Variants in CDH4 observed in about 807,000 individuals in gnomAD.
The protein encoded by CDH4 is cadherin-4.
Under a neutral mutation model 86.0 loss-of-function variants are expected in CDH4, and 33 were observed. The ratio of observed to expected loss-of-function variants is 0.38; its 90% CI spans 0.29 to 0.51. The LOEUF (loss-of-function observed/expected upper bound fraction) is 0.51, where lower values mean the gene tolerates loss of function less well. Ranked by LOEUF, CDH4 falls within the 20% of genes least tolerant of loss-of-function variation. The probability of loss-of-function intolerance (pLI) is 0.86; values close to 1 mark genes in which losing one functional copy is unlikely to be tolerated. For synonymous variants in CDH4, 555 were observed against 549.4 expected, an observed-to-expected ratio of 1.01 and a Z score of -0.14; for missense variants, 1,114 against 1,307.4, an observed-to-expected ratio of 0.85 and a Z score of 2.28.
chr20:61,481,944 C>T (rs2085570721), intron 2 of CDH4, among the ~76,000 whole-genome samples: 1 of 152,158 alleles, frequency 6.6e-6, no homozygotes, highest in African/African-American at 2.4e-5. Context: ...ATATCGATGA[C>T]TTTGTATGTC....
Position 61,568,321 on chromosome 20 carries a change from G to A in CDH4, c.170-175242G>A, listed in dbSNP as rs541554331. ...TTCTCATGATAGTAAGTTCTCACCAGATCTGATGGTTTTATAAGGGGCTTT... is the reference window on the plus strand; with the variant it reads ...TTCTCATGATAGTAAGTTCTCACCAAATCTGATGGTTTTATAAGGGGCTTT... On this transcript the variant is annotated intron_variant, in intron 2 of 15. Transcript: ENST00000614565. 2.6e-5 allele frequency among the ~76,000 whole-genome samples: 4 copies of A among 152,294 alleles called. No homozygotes were observed. In the East Asian group the frequency reaches 5.8e-4, roughly 22 times the overall value.
At chr20:61,616,202 A>G (rs2427188) in intron 2 of CDH4, among the ~76,000 whole-genome samples, 144,857 of 152,342 alleles carry the variant, frequency 0.95, 69,004 homozygotes, top group East Asian at 1. Flanking sequence ...GTCTCTGACC[A>G]GAAAGGCCGT....
chr20:61,342,733 G>A (rs567938088), intron 2 of CDH4, among the ~76,000 whole-genome samples: 9 of 141,870 alleles, frequency 6.3e-5, no homozygotes, highest in East Asian at 6.3e-4. Flanking sequence ...TATCCTGGGC[G>A]GGGAGATCCA....
chr20:61,346,246 G>A (rs1460260643), intron 2 of CDH4, among the ~76,000 whole-genome samples: 1 of 151,986 alleles, frequency 6.6e-6, no homozygotes, highest in Non-Finnish European at 1.5e-5. Flanking sequence ...GACCAGGATA[G>A]TCAGGAGGTC....
At chr20:61,933,363 G>A (rs1645076656) in intron 14 of CDH4, among the ~76,000 whole-genome samples, 1 of 152,170 alleles carries the variant, frequency 6.6e-6, no homozygotes, top group Admixed American at 6.5e-5. Flanking sequence ...CCCATCACCA[G>A]CCCCAGCCCA....
At chr20:61,932,379 G>C (rs187718502) in intron 13 of CDH4, among the ~76,000 whole-genome samples, 3 of 152,212 alleles carry the variant, frequency 2.0e-5, no homozygotes, top group African/African-American at 7.2e-5. Flanking sequence ...GAGCCAGTGC[G>C]GCTGTGCCTT....
chr20:61,445,475 G>T (rs539834060), intron 2 of CDH4, among the ~76,000 whole-genome samples: 1 of 152,310 alleles, frequency 6.6e-6, no homozygotes, highest in South Asian at 2.1e-4. Flanking sequence ...TGGGAGTGCA[G>T]ATGATAGGAA....
intron 4 of CDH4, among the ~76,000 whole-genome samples, chr20:61,819,200 C>A (rs774188862): frequency 7.9e-5 from 12 of 152,226 alleles, no homozygotes; most frequent in Non-Finnish European, 1.6e-4. Flanking sequence ...GACAGCCCCA[C>A]GGCCAGGCCC....
At chr20:61,789,224 G>A (rs561133804) in intron 4 of CDH4, among the ~76,000 whole-genome samples, 19 of 152,360 alleles carry the variant, frequency 1.2e-4, no homozygotes, top group African/African-American at 4.6e-4. Context: ...CCTGAGCTGT[G>A]TGGGGCCCTG....
intron 2 of CDH4, among the ~76,000 whole-genome samples, chr20:61,453,684 C>T (rs1373791252): frequency 6.6e-6 from 1 of 152,162 alleles, no homozygotes; most frequent in Non-Finnish European, 1.5e-5. Context: ...AAATACTTGG[C>T]CTATCTTTCT....
At chr20:61,813,336 A>G (rs1032842345) in intron 4 of CDH4, among the ~76,000 whole-genome samples, 2 of 152,046 alleles carry the variant, frequency 1.3e-5, no homozygotes, top group Non-Finnish European at 2.9e-5. Context: ...GGAGTAATGT[A>G]CTTAGCTACC....
intron 2 of CDH4, among the ~76,000 whole-genome samples, chr20:61,636,596 C>T (rs1022280057): frequency 2.0e-5 from 3 of 152,214 alleles, no homozygotes; most frequent in Admixed American, 6.5e-5. Flanking sequence ...TCTATCTTTG[C>T]GAGGCTCTGG....
chr20:61,400,275 T>C (rs1455043409), intron 2 of CDH4, among the ~76,000 whole-genome samples: 1 of 152,214 alleles, frequency 6.6e-6, no homozygotes. Context: ...AATCAGAGCT[T>C]TCCTGTGATC....
intron 2 of CDH4, among the ~76,000 whole-genome samples, chr20:61,604,362 C>T (rs535017332): frequency 5.9e-5 from 9 of 152,254 alleles, no homozygotes; most frequent in South Asian, 4.2e-4. Context: ...CGATGATCTC[C>T]GATGAGTTAT....
intron 2 of CDH4, among the ~76,000 whole-genome samples, chr20:61,619,696 C>T (rs150701122): frequency 1.6e-3 from 239 of 152,310 alleles, no homozygotes; most frequent in African/African-American, 5.4e-3. Context: ...TATGTCAAGC[C>T]GTTGTGATCT....
intron 6 of CDH4, among the ~76,000 whole-genome samples, chr20:61,867,565 G>A (rs1173565364): frequency 6.8e-6 from 1 of 148,138 alleles, no homozygotes; most frequent in East Asian, 2.0e-4. Context: ...AAAAAAAAGA[G>A]AGAGAGAGAG....
chr20:61,608,734 G>T (rs1430273405), intron 2 of CDH4, among the ~76,000 whole-genome samples: 1 of 152,206 alleles, frequency 6.6e-6, no homozygotes, highest in African/African-American at 2.4e-5. Context: ...TCTGTGGTTG[G>T]TGGTGGTGGT....
chr20:61,627,953 T>C (rs1477774487), intron 2 of CDH4, among the ~76,000 whole-genome samples: 2 of 152,034 alleles, frequency 1.3e-5, no homozygotes, highest in Non-Finnish European at 2.9e-5. Flanking sequence ...CCCCTGGCCT[T>C]CCCCATGGCC....
chr20:61,733,024 G>A (rs1012272693), intron 2 of CDH4, among the ~76,000 whole-genome samples: 1 of 152,010 alleles, frequency 6.6e-6, no homozygotes, highest in East Asian at 1.9e-4. Flanking sequence ...CTCTGAAAAC[G>A]GGGGTGCTCT....
Sources: allele counts gnomAD v4.1 joint callset (sites outside exome capture counted in the v4.1 genomes callset), GRCh38; gene constraint gnomAD v4.1.1; transcripts MANE v1.5; gene names NCBI Gene and HGNC (gene_info 2026-07-23, HGNC 2026-07-21).